CATSPERT: variants seen among roughly 807,000 people sequenced by gnomAD.
CATSPERT encodes cation channel sperm-associated targeting subunit tau.
the CATSPERT span, among the ~76,000 whole-genome samples, chr2:201,607,342 G>A: frequency 6.6e-6 from 1 of 152,164 alleles, no homozygotes; most frequent in Non-Finnish European, 1.5e-5. Context: ...TGGGGCTCTT[G>A]TGAGACTTAA....
chr2:201,606,861 C>T, the CATSPERT span, among the ~76,000 whole-genome samples: 474 of 149,176 alleles, frequency 3.2e-3, 1 homozygote, highest in Non-Finnish European at 5.4e-3. Flanking sequence ...ATCGCGCCAC[C>T]GCACTCCAGC....
At chr2:201,493,761 T>C in the CATSPERT span, 1 of 1,537,208 alleles carries the variant, frequency 6.5e-7, no homozygotes. Flanking sequence ...TGTAGTCATG[T>C]ACAGTGCCAC....
chr2:201,535,088 C>T, the CATSPERT span: 3,763 of 935,886 alleles, frequency 4.0e-3, 10 homozygotes, highest in Non-Finnish European at 4.2e-3. Context: ...TGTGACTGTG[C>T]ATTACTTTCA....
the CATSPERT span, among the ~76,000 whole-genome samples, chr2:201,496,964 G>A: frequency 6.6e-6 from 1 of 152,158 alleles, no homozygotes; most frequent in African/African-American, 2.4e-5. Context: ...GCATCATAAT[G>A]TGCATCCACA....
At chr2:201,520,945 A>G in the CATSPERT span, among the ~76,000 whole-genome samples, 1 of 152,146 alleles carries the variant, frequency 6.6e-6, no homozygotes, top group African/African-American at 2.4e-5. Flanking sequence ...AAATAAAAAA[A>G]AAATCATTAG....
the CATSPERT span, among the ~76,000 whole-genome samples, chr2:201,578,362 T>G: frequency 6.6e-6 from 1 of 152,132 alleles, no homozygotes; most frequent in Admixed American, 6.6e-5. Flanking sequence ...CTATGCTATA[T>G]GCTGTGGTTG....
At chr2:201,561,052 A>C in the CATSPERT span, among the ~76,000 whole-genome samples, 1 of 152,228 alleles carries the variant, frequency 6.6e-6, no homozygotes, top group Non-Finnish European at 1.5e-5. Flanking sequence ...AAATGCTGGA[A>C]TTACAGGCGT....
At chr2:201,609,288 C>T in the CATSPERT span, among the ~76,000 whole-genome samples, 2 of 152,108 alleles carry the variant, frequency 1.3e-5, no homozygotes, top group African/African-American at 4.8e-5. Flanking sequence ...ATCATCTAGA[C>T]AGAAAACTAA....
chr2:201,497,889 C>A, the CATSPERT span, among the ~76,000 whole-genome samples: 1 of 152,080 alleles, frequency 6.6e-6, no homozygotes, highest in South Asian at 2.1e-4. Flanking sequence ...AAAGAAAGAA[C>A]CATGGCAATA....
the CATSPERT span, among the ~76,000 whole-genome samples, chr2:201,543,358 T>C: frequency 5.5e-3 from 844 of 152,326 alleles, 1 homozygote; most frequent in Non-Finnish European, 0.01. Flanking sequence ...ACATAAATTT[T>C]AGGATTGCTT....
the CATSPERT span, among the ~76,000 whole-genome samples, chr2:201,584,839 T>G: frequency 6.6e-6 from 1 of 151,928 alleles, no homozygotes; most frequent in Non-Finnish European, 1.5e-5. Flanking sequence ...TCATAACTAA[T>G]GAACATCATC....
chr2:201,618,776 C>G, the CATSPERT span: 270 of 680,078 alleles, frequency 4.0e-4, 5 homozygotes, highest in South Asian at 5.5e-3. Flanking sequence ...TTAAAGGGTT[C>G]AATGTGTGCC....
chr2:201,534,522 A>G, the CATSPERT span: 1 of 982,536 alleles, frequency 1.0e-6, no homozygotes, highest in African/African-American at 1.8e-5. Context: ...TCATTATAAA[A>G]CCTAAACAAA....
chr2:201,609,690 A>G, the CATSPERT span, among the ~76,000 whole-genome samples: 1 of 152,226 alleles, frequency 6.6e-6, no homozygotes, highest in Non-Finnish European at 1.5e-5. Flanking sequence ...CAGCAAAAGC[A>G]GTGCTAAGAG....
At chr2:201,540,842 T>C in the CATSPERT span, among the ~76,000 whole-genome samples, 1 of 152,220 alleles carries the variant, frequency 6.6e-6, no homozygotes, top group African/African-American at 2.4e-5. Flanking sequence ...ATAATTCCTC[T>C]GAGGGATCTT....
At chr2:201,536,204 T>C in the CATSPERT span, 8 of 1,613,564 alleles carry the variant, frequency 5.0e-6, no homozygotes, top group Non-Finnish European at 5.9e-6. Flanking sequence ...ATGAGTGCAC[T>C]TCTGTGGGTG....
chr2:201,495,367 T>G, the CATSPERT span, among the ~76,000 whole-genome samples: 1 of 152,086 alleles, frequency 6.6e-6, no homozygotes, highest in Admixed American at 6.5e-5. Context: ...GCCTCAGAAA[T>G]GGATGAGGGA....
the CATSPERT span, among the ~76,000 whole-genome samples, chr2:201,588,397 T>C: frequency 1.3e-5 from 2 of 151,848 alleles, no homozygotes; most frequent in Non-Finnish European, 2.9e-5. Context: ...AAAACCCACA[T>C]GATTATCTCA....
At chr2:201,578,702 T>C in the CATSPERT span, among the ~76,000 whole-genome samples, 1 of 152,190 alleles carries the variant, frequency 6.6e-6, no homozygotes, top group Non-Finnish European at 1.5e-5. Context: ...TATTTTAAAA[T>C]ATTAGCATAT....
Sources: allele counts gnomAD v4.1 joint callset (sites outside exome capture counted in the v4.1 genomes callset), GRCh38; gene constraint gnomAD v4.1.1; transcripts MANE v1.5; gene names NCBI Gene and HGNC (gene_info 2026-07-23, HGNC 2026-07-21).